MEST: variants seen among roughly 807,000 people sequenced by gnomAD.
The protein encoded by MEST is mesoderm specific transcript.
In MEST, 18 loss-of-function variants were observed where a neutral mutation model predicts 50.9. That is an observed-to-expected ratio of 0.35 (90% CI 0.24 to 0.52). MEST has a LOEUF of 0.52. Among genes scored for constraint, MEST ranks in the 20% least tolerant of loss-of-function variants. MEST has a pLI of 0.94. For missense variants in MEST, 282 were observed against 425.3 expected (o/e 0.66, Z 2.96); for synonymous variants, 130 against 154.1 (o/e 0.84, Z 1.16).
chr7:130,489,699 G>C (rs1336871013), upstream of MEST: 1 of 152,184 alleles, frequency 6.6e-6, no homozygotes, highest in Admixed American at 6.6e-5. Context: ...CCTCCTTCAA[G>C]GAAGTTTTTC....
chr7:130,501,232 A>T (rs1293294120), intron 9 of MEST, among the ~76,000 whole-genome samples: 1 of 152,172 alleles, frequency 6.6e-6, no homozygotes, highest in Admixed American at 6.5e-5. Flanking sequence ...AAGAATTCCC[A>T]TGCCTTGGTT....
In MEST at chr7:130,492,878, C is replaced by G. The variant is rs981476368; in HGVS notation, c.26+539C>G. Among the ~76,000 whole-genome samples the G allele has an allele frequency of 6.6e-6, 1 of 152,102 alleles. No homozygotes were observed. The highest frequency in any genetic ancestry group is 1.9e-4 in the East Asian group (1 of 5,170). ...TTAGGATTTATAGATCCCGGCAAAG[C>G]CCTGGTGCGATGTAGGATTTTTAGA... is the stretch of plus-strand genomic sequence containing the variant. On this transcript the variant is annotated intron_variant, in intron 1 of 11. Transcript: ENST00000223215. This position sits in a 1 kb window ranked among gnomAD's most constrained non-coding sequence, Gnocchi z 7.6.
intron 9 of MEST, among the ~76,000 whole-genome samples, chr7:130,502,332 A>G (rs1359711559): frequency 6.6e-6 from 1 of 152,212 alleles, no homozygotes; most frequent in African/African-American, 2.4e-5. Context: ...TTGGAACCTC[A>G]GACCTGGGCT....
upstream of MEST, chr7:130,489,824 G>A (rs1328828983): frequency 3.3e-5 from 5 of 152,068 alleles, no homozygotes; most frequent in African/African-American, 1.2e-4. Context: ...CTTCCCCCAG[G>A]GCCTTTAAAC....
chr7:130,492,376 G>T lies in MEST; in HGVS notation c.26+37G>T. 1 of 1,286,780 alleles carries T rather than the reference G, an allele frequency of 7.8e-7. No individual in the cohort carries two copies. 79.7% of individuals were successfully genotyped at this position (1,286,780 alleles called of 1,614,324 possible). ...GTGGGAACGAGGGGGTGTGGCTGGC[G>T]GCCCTGGGACTAGGGCGCAGGCGAG... On this transcript the variant is annotated intron_variant, in intron 1 of 11. Transcript: ENST00000223215. This position sits in a 1 kb window ranked among gnomAD's most constrained non-coding sequence, Gnocchi z 7.6.
chr7:130,504,907 A>C, intron 11 of MEST, 32 bp from the exon 12 acceptor site: 1 of 1,567,196 alleles, frequency 6.4e-7, no homozygotes, highest in South Asian at 1.1e-5. Context: ...CTCCAGCCTC[A>C]AGTTCACCTG....
upstream of MEST, chr7:130,491,202 C>CT (rs1389231599): frequency 6.6e-6 from 1 of 152,290 alleles, no homozygotes; most frequent in Non-Finnish European, 1.5e-5. The surrounding 1 kb of genome is among the most constrained non-coding windows in gnomAD (Gnocchi z 6.8). Flanking sequence ...ATTCCTCCCT[C>CT]TTTCTTGTGC....
Position 130,497,279 on chromosome 7 carries a change from C to T in MEST, c.261+44C>T. On this transcript the variant is annotated intron_variant, in intron 3 of 11. Coordinates refer to ENST00000223215, the MANE Select transcript of MEST (RefSeq NM_002402.4). The surrounding 1 kb of genome is among the most constrained non-coding windows in gnomAD (Gnocchi z 4.0). The stretch of plus-strand genomic sequence containing the variant: ...TACGTCCTACTATGTCTTAAAAAAT[C>T]TCGGCCGGGCGCGGGGGCTCAAATC... 5 of 1,550,366 alleles carry T rather than the reference C, an allele frequency of 3.2e-6. No individual in the cohort carries two copies. Among genetic ancestry groups the T allele is most frequent in the Non-Finnish European group, 3.5e-6 (4 of 1,130,872 alleles).
rs371386968 is a variant in MEST, at chr7:130,499,814, C to G, written c.536-61C>G. On this transcript the variant is annotated intron_variant, in intron 6 of 11. Coordinates refer to ENST00000223215, the MANE Select transcript of MEST (RefSeq NM_002402.4). ...GCTGGGCAACCCAGTGAGATCCCGT[C>G]TCTATAAAAAAAAAAAAATTAAAGC... 8.9e-5 allele frequency: 125 copies of G among 1,406,518 alleles called. 2 individuals carry two copies. The highest frequency in any genetic ancestry group is 4.6e-4 in the East Asian group (20 of 43,102). The allele number at this position is 1,406,518 out of a possible 1,614,324, so 87.1% of individuals were successfully genotyped here. A position where few individuals can be genotyped will look rare whatever the true frequency, so the allele number is the denominator to read the frequency against.
At chr7:130,495,019 C>T (rs1440723037) in intron 1 of MEST, among the ~76,000 whole-genome samples, 1 of 151,780 alleles carries the variant, frequency 6.6e-6, no homozygotes, top group Non-Finnish European at 1.5e-5. Flanking sequence ...AAAGAGTGTC[C>T]AGCATTTAAG....
In MEST at chr7:130,500,744, T is replaced by G. The variant is rs1368222343; in HGVS notation, c.648-45T>G. On this transcript the variant is annotated intron_variant, in intron 8 of 11. Transcript: ENST00000223215. This position sits in a 1 kb window ranked among gnomAD's most constrained non-coding sequence, Gnocchi z 5.0. ...GAGGTTCCAGCCATATTGAACATTCTGAGTTCTCCTCACACTTATCTTCCT... is the reference window on the plus strand; with the variant it reads ...GAGGTTCCAGCCATATTGAACATTCGGAGTTCTCCTCACACTTATCTTCCT... 6.6e-7 allele frequency: 1 copy of G among 1,523,660 alleles called. No individual in the cohort carries two copies. Among genetic ancestry groups the G allele is most frequent in the Non-Finnish European group, 9.0e-7 (1 of 1,113,864 alleles). The allele number at this position is 1,523,660 out of a possible 1,614,324, so 94.4% of individuals were successfully genotyped here. A position where few individuals can be genotyped will look rare whatever the true frequency, so the allele number is the denominator to read the frequency against.
intron 2 of MEST, chr7:130,496,329 A>G: frequency 5.2e-6 from 2 of 381,078 alleles, no homozygotes; most frequent in South Asian, 3.8e-5. Context: ...ACATTTTCAA[A>G]CTATACTACT....
chr7:130,490,352 C>G (rs1554434839), upstream of MEST, among the ~76,000 whole-genome samples: 1 of 152,184 alleles, frequency 6.6e-6, no homozygotes, highest in Non-Finnish European at 1.5e-5. Flanking sequence ...AACACGCGGC[C>G]CTGAGCCTCC....
upstream of MEST, chr7:130,492,019 G>A (rs1247827677): frequency 1.3e-4 from 26 of 197,562 alleles, 1 homozygote; most frequent in Admixed American, 2.4e-4. The surrounding 1 kb of genome is among the most constrained non-coding windows in gnomAD (Gnocchi z 7.6). Flanking sequence ...GGGGTTCTGC[G>A]GCGATGGGCG....
In MEST at chr7:130,502,716, C is replaced by G. The variant is rs782118012; in HGVS notation, c.822C>G (p.Ile274Met). The change falls in exon 10 of 12, where the codon ATC becomes ATG. Residue 274 changes from isoleucine to methionine, a missense_variant. Transcript: ENST00000223215. The stretch of plus-strand genomic sequence containing the variant: ...TGGGAGCTCTTGCCTCTGTAACTAT[C>G]CCCAGTGAGTATTTTTGTATTATTG... ...RWVGALASVT[I>M]PIHFIYGPLD... The G allele has an allele frequency of 4.3e-6, 7 of 1,610,950 alleles. No individual in the cohort carries two copies. Among genetic ancestry groups the G allele is most frequent in the Non-Finnish European group, 5.9e-6 (7 of 1,177,246 alleles).
upstream of MEST, chr7:130,490,858 G>T (rs1584935765): frequency 6.6e-6 from 1 of 152,400 alleles, no homozygotes; most frequent in East Asian, 1.9e-4. Context: ...TGTGCCAGAG[G>T]TTCTGATGAT....
Position 130,497,874 on chromosome 7 carries a change from G to T in MEST, c.262-62G>T. On this transcript the variant is annotated intron_variant, in intron 3 of 11. Coordinates refer to ENST00000223215, the MANE Select transcript of MEST (RefSeq NM_002402.4). This position sits in a 1 kb window ranked among gnomAD's most constrained non-coding sequence, Gnocchi z 4.0. The stretch of plus-strand genomic sequence containing the variant: ...ATAGGGCTGAAGCTCCTGTGCAACT[G>T]TAGGTCTGGTGAAAGGGAGGGGCAG... 1 of 1,476,986 alleles carries T rather than the reference G, an allele frequency of 6.8e-7. No individual in the cohort carries two copies. 91.5% of individuals were successfully genotyped at this position (1,476,986 alleles called of 1,614,324 possible).
chr7:130,502,825 T>G, intron 10 of MEST, 105 bp downstream of exon 10: 1 of 712,682 alleles, frequency 1.4e-6, no homozygotes, highest in African/African-American at 2.1e-5. Flanking sequence ...AATAAAAATA[T>G]AAGATACCCA....
In MEST at chr7:130,492,478, C is replaced by T. The variant is rs797037792; in HGVS notation, c.26+139C>T. 23 of 658,662 alleles carry T rather than the reference C, an allele frequency of 3.5e-5. No individual in the cohort carries two copies. The highest frequency in any genetic ancestry group is 3.4e-4 in the African/African-American group (18 of 53,330). 40.8% of individuals were successfully genotyped at this position (658,662 alleles called of 1,614,324 possible). A position where few individuals can be genotyped will look rare whatever the true frequency, so the allele number is the denominator to read the frequency against. On this transcript the variant is annotated intron_variant, in intron 1 of 11. Transcript: ENST00000223215. This position sits in a 1 kb window ranked among gnomAD's most constrained non-coding sequence, Gnocchi z 7.6. ...CTACCGACAGGCGGCACGCATTCCG[C>T]GCCCGCTCTGCCTACTTGAGGAGGG...
Sources: gnomAD v4.1 joint callset for allele counts (sites outside exome capture counted in the v4.1 genomes callset) on GRCh38, gnomAD v4.1.1 for gene constraint, Gnocchi (gnomAD v3.1) non-coding constraint, MANE v1.5 for transcripts, NCBI Gene and HGNC (gene_info 2026-07-23, HGNC 2026-07-21) for gene names.